Variants in ARAP2 observed in about 807,000 individuals in gnomAD.
ARAP2 encodes the protein arf-GAP with Rho-GAP domain, ANK repeat and PH domain-containing protein 2.
In ARAP2, 148 loss-of-function variants were observed where a neutral mutation model predicts 194.5. The ratio of observed to expected loss-of-function variants is 0.76; its 90% confidence interval spans 0.67 to 0.87. ARAP2 has a LOEUF of 0.87. ARAP2 is among the 40% of genes least tolerant of loss of function. The pLI is 0.00. For synonymous variants in ARAP2, 695 were observed against 683.5 expected, an observed-to-expected ratio of 1.02 and a Z score of -0.26; for missense variants, 2,128 against 1,989.7, an observed-to-expected ratio of 1.07 and a Z score of -1.32.
intron 9 of ARAP2, chr4:36,007,179 G>C (rs879928511): frequency 6.6e-6 from 1 of 152,196 alleles, no homozygotes; most frequent in Non-Finnish European, 1.5e-5. Flanking sequence ...TACTTGTAAA[G>C]GGTTGAATTG....
intron 27 of ARAP2, among the ~76,000 whole-genome samples, chr4:36,103,707 C>G (rs1044427036): frequency 4.3e-4 from 65 of 151,658 alleles, no homozygotes; most frequent in African/African-American, 1.5e-3. Flanking sequence ...GTAGAGGCAA[C>G]AAAAAACACA....
At chr4:36,012,456 T>C (rs1395869570) in intron 9 of ARAP2, 2 of 152,230 alleles carry the variant, frequency 1.3e-5, no homozygotes, top group South Asian at 4.1e-4. Flanking sequence ...TCAATATGTA[T>C]GTAAGTGGGT....
intron 8 of ARAP2, among the ~76,000 whole-genome samples, chr4:36,014,263 A>AG (rs1245291694): frequency 6.8e-6 from 1 of 146,334 alleles, no homozygotes; most frequent in African/African-American, 2.6e-5. Context: ...GAAAGAAAGA[A>AG]AGAAAGAAAG....
At chr4:36,050,867 G>C (rs985839913) in intron 3 of ARAP2, among the ~76,000 whole-genome samples, 1 of 152,090 alleles carries the variant, frequency 6.6e-6, no homozygotes, top group African/African-American at 2.4e-5. Flanking sequence ...ACAAGTATTT[G>C]CCTAAGTCTT....
At chr4:36,221,749 T>C (rs1749218134) in intron 2 of ARAP2, among the ~76,000 whole-genome samples, 2 of 152,304 alleles carry the variant, frequency 1.3e-5, no homozygotes, top group South Asian at 4.1e-4. Flanking sequence ...TAAGTTGTTT[T>C]GAAAACTCTT....
intron 5 of ARAP2, among the ~76,000 whole-genome samples, chr4:36,042,582 T>A: frequency 6.6e-6 from 1 of 152,230 alleles, no homozygotes; most frequent in East Asian, 1.9e-4. Flanking sequence ...AAATACTTTA[T>A]AATGTCTTTC....
chr4:36,121,453 G>A (rs1009384047), intron 22 of ARAP2, 127 bp from the exon 23 acceptor site: 12 of 793,838 alleles, frequency 1.5e-5, no homozygotes, highest in Middle Eastern at 2.6e-4. Context: ...ATACAGTGGT[G>A]ACTTAAAAGC....
chr4:36,204,547 G>A (rs763700955), intron 6 of ARAP2, among the ~76,000 whole-genome samples: 6 of 152,194 alleles, frequency 3.9e-5, no homozygotes, highest in African/African-American at 4.8e-5. Flanking sequence ...AGATGTTAGT[G>A]TGCACTCGGC....
intron 10 of ARAP2, 117 bp from the exon 11 acceptor site, chr4:36,165,230 T>G: frequency 1.1e-6 from 1 of 926,958 alleles, no homozygotes; most frequent in Non-Finnish European, 1.6e-6. Flanking sequence ...AAAATATGGC[T>G]GCTAGGCAGT....
intron 9 of ARAP2, among the ~76,000 whole-genome samples, chr4:36,175,206 T>G (rs551068577): frequency 6.6e-6 from 1 of 152,308 alleles, no homozygotes; most frequent in South Asian, 2.1e-4. Flanking sequence ...TTCATCACCT[T>G]GAAAGGATAC....
At chr4:36,115,321 T>C (rs1349966779) in intron 25 of ARAP2, among the ~76,000 whole-genome samples, 5 of 152,032 alleles carry the variant, frequency 3.3e-5, no homozygotes, top group East Asian at 3.9e-4. Context: ...AAACTTGTTA[T>C]AGCATCTAGG....
chr4:36,167,763 G>T (rs528457848), intron 9 of ARAP2, among the ~76,000 whole-genome samples: 2 of 152,036 alleles, frequency 1.3e-5, no homozygotes, highest in South Asian at 4.1e-4. Flanking sequence ...ACTATGTTCA[G>T]CTTGTCTCAT....
intron 2 of ARAP2, among the ~76,000 whole-genome samples, chr4:36,226,557 T>C (rs572399369): frequency 6.6e-6 from 1 of 152,220 alleles, no homozygotes; most frequent in South Asian, 2.1e-4. Flanking sequence ...ACTGCTCTTT[T>C]TGCAATTCAT....
chr4:36,165,016 T>C lies in ARAP2; in HGVS notation c.2071A>G (p.Ile691Val). The C allele has an allele frequency of 1.2e-6, 2 of 1,614,112 alleles. No individual in the cohort carries two copies. Among genetic ancestry groups the C allele is most frequent in the Non-Finnish European group, 1.7e-6 (2 of 1,179,944 alleles). ...CTCCTGTTGGATTCATTGAACCAAATCTTCTCAGCTACTTCATAATCAGAG... is the reference window on the plus strand; with the variant it reads ...CTCCTGTTGGATTCATTGAACCAAACCTTCTCAGCTACTTCATAATCAGAG... Reference protein sequence around the residue: ...TLSDYEVAEKIWFNESNRSCA... With the variant: ...TLSDYEVAEKVWFNESNRSCA... The change falls in exon 11 of 33, where the codon ATT becomes GTT. Residue 691 changes from isoleucine to valine, a missense_variant. Physicochemically the swap from Ile to Val is conservative, Grantham distance 29. Coordinates refer to ENST00000303965, the MANE Select transcript of ARAP2 (RefSeq NM_015230.4).
chr4:36,148,107 T>A (rs1312419056), intron 17 of ARAP2, among the ~76,000 whole-genome samples: 1 of 152,132 alleles, frequency 6.6e-6, no homozygotes, highest in Non-Finnish European at 1.5e-5. Flanking sequence ...GAATAAAATA[T>A]CTACCTATAA....
chr4:36,208,288 TA>T (rs1213573964), intron 6 of ARAP2, among the ~76,000 whole-genome samples: 5 of 152,154 alleles, frequency 3.3e-5, no homozygotes, highest in African/African-American at 1.2e-4. Flanking sequence ...CAGAGGCCCC[TA>T]AGGAGGACCT....
At chr4:36,110,323 C>A (rs1719595321) in intron 26 of ARAP2, among the ~76,000 whole-genome samples, 1 of 151,798 alleles carries the variant, frequency 6.6e-6, no homozygotes, top group Admixed American at 6.6e-5. Flanking sequence ...GTCAGAAGAG[C>A]TAGAAAGAAT....
intron 26 of ARAP2, among the ~76,000 whole-genome samples, chr4:36,111,588 A>G (rs959043688): frequency 6.6e-6 from 1 of 151,998 alleles, no homozygotes; most frequent in African/African-American, 2.4e-5. Flanking sequence ...AGTTTTTTAG[A>G]TATCTTGGCA....
chr4:36,059,242 T>C (rs1724015442), intron 1 of ARAP2, among the ~76,000 whole-genome samples: 1 of 152,190 alleles, frequency 6.6e-6, no homozygotes, highest in African/African-American at 2.4e-5. Context: ...AAATAGCTAT[T>C]AGGAGAAGAG....
Sources: gnomAD v4.1 joint callset for allele counts (sites outside exome capture counted in the v4.1 genomes callset) on GRCh38, gnomAD v4.1.1 for gene constraint, MANE v1.5 for transcripts, NCBI Gene and HGNC (gene_info 2026-07-23, HGNC 2026-07-21) for gene names.